The following UBE2A variants were observed in gnomAD, a reference collection of about 807,000 sequenced individuals.
The protein encoded by UBE2A is ubiquitin-conjugating enzyme E2 A.
For synonymous variants in UBE2A, 39 were observed against 41.1 expected (o/e 0.95, Z 0.20); for missense variants, 27 against 125.8 (o/e 0.21, Z 3.76).
chrX:119,576,006 G>A (rs1299407570), intron 3 of UBE2A, among the ~76,000 whole-genome samples: 1 of 112,023 alleles, frequency 8.9e-6, no homozygotes, highest in African/African-American at 3.2e-5. Flanking sequence ...TCATCAAGAC[G>A]TTATGATGAG....
intron 3 of UBE2A, among the ~76,000 whole-genome samples, chrX:119,578,085 T>G (rs190276306): frequency 1.2e-4 from 14 of 112,088 alleles, no homozygotes; most frequent in African/African-American, 4.2e-4. Flanking sequence ...TACTTTTGCT[T>G]CTTTGTTGTA....
intron 4 of UBE2A, 101 bp downstream of exon 4, chrX:119,581,697 G>A: frequency 3.0e-6 from 2 of 668,756 alleles, no homozygotes; most frequent in Non-Finnish European, 4.8e-6. Flanking sequence ...TATTTGTTTA[G>A]GCAGCTTGCT....
rs753589042 is a variant in UBE2A, at chrX:119,583,630, T to G, written c.*375T>G. On this transcript the variant is annotated 3_prime_UTR_variant, in exon 6 of 6. Transcript: ENST00000371558. Reference sequence around the variant, plus strand: ...AGGATGTTATTTTTAACAAAATGATTGCTGAAGTGTTTCATCCTGGCTGGT... The same window carrying G: ...AGGATGTTATTTTTAACAAAATGATGGCTGAAGTGTTTCATCCTGGCTGGT... 3 of 199,178 alleles carry G rather than the reference T, an allele frequency of 1.5e-5. No individual in the cohort carries two copies. The highest frequency in any genetic ancestry group is 2.8e-5 in the Non-Finnish European group (3 of 107,551). The allele number at this position is 199,178 out of a possible 1,213,427, so 16.4% of individuals were successfully genotyped here.
intron 4 of UBE2A, 115 bp downstream of exon 4, chrX:119,581,711 T>C (rs1474385862): frequency 3.4e-6 from 2 of 580,977 alleles, no homozygotes; most frequent in Admixed American, 2.6e-5. Flanking sequence ...GCTTGCTGCT[T>C]CTTGAAAGCT....
Position 119,574,887 on chromosome X carries a change from C to A in UBE2A, c.45-14C>A, listed in dbSNP as rs1233871621. 1 of 1,210,240 alleles carries A rather than the reference C, an allele frequency of 8.3e-7. No homozygotes were observed. The highest frequency in any genetic ancestry group is 1.1e-6 in the Non-Finnish European group (1 of 894,768). On this transcript the variant is annotated splice_polypyrimidine_tract_variant and intron_variant, in intron 1 of 5. Transcript: ENST00000371558. ...AGTGCCGGCCTAGGGGGACCCCTGTCTGTCTTCCCGAAGGTTGCAGGAGGA... is the reference window on the plus strand; with the variant it reads ...AGTGCCGGCCTAGGGGGACCCCTGTATGTCTTCCCGAAGGTTGCAGGAGGA...
intron 4 of UBE2A, among the ~76,000 whole-genome samples, chrX:119,581,819 T>G (rs1010170948): frequency 1.8e-5 from 2 of 112,634 alleles, no homozygotes; most frequent in Non-Finnish European, 3.7e-5. Context: ...CTGATTTTGA[T>G]GACCTTTGTC....
chrX:119,580,570 A>G (rs1291587095), intron 3 of UBE2A: 3 of 112,216 alleles, frequency 2.7e-5, no homozygotes, highest in Admixed American at 1.9e-4. Flanking sequence ...ACATTGCTCA[A>G]TTGTGTTCTT....
chrX:119,575,274 A>T (rs376834729), intron 2 of UBE2A, 101 bp from the exon 3 acceptor site: 3 of 1,123,084 alleles, frequency 2.7e-6, no homozygotes, highest in Admixed American at 2.2e-5. Context: ...CGACCCCGGT[A>T]GCGGTGCTGG....
chrX:119,579,905 C>CA (rs756901156), intron 3 of UBE2A, among the ~76,000 whole-genome samples: 26 of 111,753 alleles, frequency 2.3e-4, no homozygotes, highest in Non-Finnish European at 4.5e-4. Context: ...TAAGGAAACT[C>CA]AAAGTTTTGA....
At chrX:119,575,014 C>T (rs2053405041) in intron 2 of UBE2A, 33 bp downstream of exon 2, 4 of 1,201,388 alleles carry the variant, frequency 3.3e-6, no homozygotes, top group Non-Finnish European at 3.4e-6. Context: ...GGCGAGAAAA[C>T]TGGGGACGCG....
Position 119,582,662 on chromosome X carries a change from C to G in UBE2A, c.316C>G (p.Leu106Val). The change falls in exon 5 of 6, where the codon CTA (leucine) becomes GTA (valine). Residue 106 changes from leucine (L) to valine (V), a missense_variant. Coordinates refer to ENST00000371558, the MANE Select transcript of UBE2A (RefSeq NM_003336.4). ...TCCAACCTATGATGTGTCTTCCATT[C>G]TAACATCCATACAGGTGAATTTTTC... ...WSPTYDVSSILTSIQSLLDEP... is the reference protein window; with the variant it reads ...WSPTYDVSSIVTSIQSLLDEP... The G allele has an allele frequency of 8.3e-7, 1 of 1,204,228 alleles. No homozygotes were observed. The highest frequency in any genetic ancestry group is 1.1e-6 in the Non-Finnish European group (1 of 888,825).
intron 3 of UBE2A, among the ~76,000 whole-genome samples, chrX:119,576,082 A>G (rs1182158977): frequency 8.9e-6 from 1 of 112,421 alleles, no homozygotes; most frequent in African/African-American, 3.2e-5. Context: ...TGTCCTGCCT[A>G]CCTGAAAGTA....
At chrX:119,582,039 G>C (rs2053454134) in intron 4 of UBE2A, among the ~76,000 whole-genome samples, 1 of 112,319 alleles carries the variant, frequency 8.9e-6, no homozygotes, top group Admixed American at 9.5e-5. Context: ...GTTGTTGAAG[G>C]CCAGGCATAC....
chrX:119,582,226 G>T (rs763867483), intron 4 of UBE2A: 1 of 134,822 alleles, frequency 7.4e-6, no homozygotes, highest in Non-Finnish European at 1.5e-5. Context: ...GTGATCTTTT[G>T]TTATTTCAGA....
At chrX:119,575,245 A>G in intron 2 of UBE2A, 130 bp from the exon 3 acceptor site, 1 of 975,171 alleles carries the variant, frequency 1.0e-6, no homozygotes, top group Non-Finnish European at 1.5e-6. Flanking sequence ...AGCCCGGGAC[A>G]TCCATTTGTA....
At chrX:119,581,915 T>C (rs2053452960) in intron 4 of UBE2A, among the ~76,000 whole-genome samples, 1 of 112,661 alleles carries the variant, frequency 8.9e-6, no homozygotes, top group South Asian at 3.6e-4. Flanking sequence ...GTTGTAATTA[T>C]TTTCACTAGC....
intron 3 of UBE2A, chrX:119,576,867 A>G (rs934989803): frequency 8.9e-6 from 1 of 112,434 alleles, no homozygotes; most frequent in Non-Finnish European, 1.9e-5. Flanking sequence ...GCAAAAAACT[A>G]TAGCTAGACT....
At chrX:119,578,350 G>A (rs1437058236) in intron 3 of UBE2A, among the ~76,000 whole-genome samples, 1 of 111,616 alleles carries the variant, frequency 9.0e-6, no homozygotes, top group Non-Finnish European at 1.9e-5. Context: ...TAATAGACAT[G>A]GTAAGGTACT....
chrX:119,577,562 CT>C, intron 3 of UBE2A, among the ~76,000 whole-genome samples: 1 of 109,160 alleles, frequency 9.2e-6, no homozygotes, highest in Non-Finnish European at 1.9e-5. Flanking sequence ...GTTGAACAGT[CT>C]GCTACCGATG....
Sources: gnomAD v4.1 joint callset for allele counts (sites outside exome capture counted in the v4.1 genomes callset) on GRCh38, gnomAD v4.1.1 for gene constraint, MANE v1.5 for transcripts, NCBI Gene and HGNC (gene_info 2026-07-23, HGNC 2026-07-21) for gene names.